Variants in GRID1 observed in about 807,000 individuals in gnomAD.
GRID1 encodes glutamate ionotropic receptor delta type subunit 1.
GRID1 carries 28 observed loss-of-function variants against 98.0 expected under a neutral mutation model. The observed-to-expected ratio is 0.29, with a 90% CI of 0.21 to 0.39. The LOEUF is 0.39. GRID1 is among the 10% of genes least tolerant of loss of function. GRID1 has a pLI of 1.00. For missense variants in GRID1, 1,111 were observed against 1,340.5 expected, an observed-to-expected ratio of 0.83 and a Z score of 2.67; for synonymous variants, 553 against 538.5, an observed-to-expected ratio of 1.03 and a Z score of -0.37.
At chr10:85,935,213 T>C (rs7912519) in intron 4 of GRID1, among the ~76,000 whole-genome samples, 121,503 of 152,108 alleles carry the variant, frequency 0.8, 48,864 homozygotes, top group African/African-American at 0.88. Flanking sequence ...CCCAAGATCA[T>C]ACAGAAAATA....
At chr10:86,038,001 A>G (rs931884343) in intron 4 of GRID1, among the ~76,000 whole-genome samples, 3 of 152,138 alleles carry the variant, frequency 2.0e-5, no homozygotes, top group African/African-American at 7.2e-5. Flanking sequence ...ATCCAATATG[A>G]CTGGTGTCCT....
intron 8 of GRID1, among the ~76,000 whole-genome samples, chr10:85,732,144 G>A (rs536376327): frequency 4.6e-5 from 7 of 152,078 alleles, no homozygotes; most frequent in Non-Finnish European, 1.5e-5. Context: ...TTTATTTGGG[G>A]TGCCTGCATC....
chr10:85,940,221 G>A (rs1841981996), intron 4 of GRID1, among the ~76,000 whole-genome samples: 1 of 152,114 alleles, frequency 6.6e-6, no homozygotes, highest in Non-Finnish European at 1.5e-5. Flanking sequence ...GATGGGACAT[G>A]CCTCTCCAGT....
At chr10:86,232,029 T>C (rs1215988042) in intron 2 of GRID1, among the ~76,000 whole-genome samples, 1 of 151,992 alleles carries the variant, frequency 6.6e-6, no homozygotes, top group East Asian at 1.9e-4. Flanking sequence ...GAGACTGGGG[T>C]ACCCTCTTCT....
chr10:85,989,613 T>C (rs1471591107), intron 4 of GRID1, among the ~76,000 whole-genome samples: 1 of 151,808 alleles, frequency 6.6e-6, no homozygotes, highest in African/African-American at 2.4e-5. Flanking sequence ...TGTGCACTCA[T>C]GAGAATCTAA....
intron 4 of GRID1, among the ~76,000 whole-genome samples, chr10:86,053,256 T>C (rs1843525992): frequency 6.6e-6 from 1 of 152,206 alleles, no homozygotes; most frequent in African/African-American, 2.4e-5. Context: ...ACAAAAGTTA[T>C]TTACAAAGAA....
intron 4 of GRID1, among the ~76,000 whole-genome samples, chr10:85,938,537 C>T (rs1324502076): frequency 1.3e-5 from 2 of 152,200 alleles, no homozygotes; most frequent in Non-Finnish European, 2.9e-5. Flanking sequence ...TAGTTTCTCT[C>T]ATGGTTCCTA....
At chr10:85,913,288 G>A (rs900094982) in intron 5 of GRID1, among the ~76,000 whole-genome samples, 8 of 152,158 alleles carry the variant, frequency 5.3e-5, no homozygotes, top group African/African-American at 1.7e-4. Context: ...CTGTTTGATG[G>A]AAAAATTTGG....
chr10:85,614,106 T>A (rs10509522), intron 14 of GRID1, among the ~76,000 whole-genome samples: 28,861 of 152,224 alleles, frequency 0.19, 2,930 homozygotes, highest in African/African-American at 0.23. Flanking sequence ...CAAATTATTC[T>A]TACAGTCATT....
intron 2 of GRID1, among the ~76,000 whole-genome samples, chr10:86,361,824 G>A (rs1052546455): frequency 6.6e-6 from 1 of 152,268 alleles, no homozygotes; most frequent in Non-Finnish European, 1.5e-5. Flanking sequence ...TGTTAAAGCT[G>A]TGTGACAGCT....
At chr10:85,786,764 C>T (rs1448444978) in intron 8 of GRID1, among the ~76,000 whole-genome samples, 1 of 152,202 alleles carries the variant, frequency 6.6e-6, no homozygotes, top group Non-Finnish European at 1.5e-5. Context: ...CGCCAGGACC[C>T]GGCTGATAGG....
At chr10:86,194,308 T>A (rs1845844264) in intron 3 of GRID1, among the ~76,000 whole-genome samples, 1 of 152,012 alleles carries the variant, frequency 6.6e-6, no homozygotes, top group South Asian at 2.1e-4. Flanking sequence ...CATGGAGGAA[T>A]AAAGCCCACT....
At chr10:86,190,260 A>G (rs2132007778) in intron 3 of GRID1, among the ~76,000 whole-genome samples, 2 of 152,276 alleles carry the variant, frequency 1.3e-5, no homozygotes, top group South Asian at 4.1e-4. Flanking sequence ...CATGAAGTAA[A>G]TATTCCCACC....
intron 4 of GRID1, among the ~76,000 whole-genome samples, chr10:86,100,668 C>T (rs1219992338): frequency 1.3e-5 from 2 of 152,170 alleles, no homozygotes. Context: ...ACTCCCCTCC[C>T]TGTAGGTGGC....
At chr10:86,120,069 G>C (rs1219283457) in intron 4 of GRID1, among the ~76,000 whole-genome samples, 1 of 152,098 alleles carries the variant, frequency 6.6e-6, no homozygotes, top group Non-Finnish European at 1.5e-5. Context: ...AAAGTGCTGA[G>C]ATTACAGGTG....
At chr10:86,033,413 C>T (rs1467498598) in intron 4 of GRID1, among the ~76,000 whole-genome samples, 5 of 152,162 alleles carry the variant, frequency 3.3e-5, no homozygotes, top group African/African-American at 1.2e-4. Flanking sequence ...GCTTCAGTCT[C>T]TGGGTCATCC....
chr10:85,619,967 C>A lies in GRID1; in HGVS notation c.2260G>T (p.Asp754Tyr). Reference protein sequence around the residue: ...AVVEYAALTDDDCSVTVIGNS... With the variant: ...AVVEYAALTDYDCSVTVIGNS... The stretch of plus-strand genomic sequence containing the variant: ...CCGATGACAGTCACCGAGCAGTCGT[C>A]ATCCGTCAGGGCTGCGTATTCCACC... Residue 754 changes from aspartate to tyrosine, a missense_variant, in exon 14 of 16, where the codon GAC becomes TAC. This residue lies in a region of GRID1 where 762 missense variants were observed against 869.1 expected (regional missense o/e 0.88). Transcript: ENST00000327946. The A allele has an allele frequency of 1.2e-6, 2 of 1,614,076 alleles. No homozygotes were observed. The highest frequency in any genetic ancestry group is 1.7e-6 in the Non-Finnish European group (2 of 1,179,908).
At chr10:86,217,883 C>T (rs1037500336) in intron 2 of GRID1, among the ~76,000 whole-genome samples, 11 of 152,098 alleles carry the variant, frequency 7.2e-5, no homozygotes, top group African/African-American at 2.7e-4. Flanking sequence ...GGACAGGCCA[C>T]ACCACAGAGC....
intron 3 of GRID1, among the ~76,000 whole-genome samples, chr10:86,177,178 T>A (rs1451338966): frequency 6.7e-6 from 1 of 148,772 alleles, no homozygotes; most frequent in Non-Finnish European, 1.5e-5. Context: ...AGCAAGAAAA[T>A]CCTAGGGAGG....
Sources: gnomAD v4.1 joint callset for allele counts (sites outside exome capture counted in the v4.1 genomes callset) on GRCh38, gnomAD v4.1.1 for gene constraint, gnomAD v4.1.1 regional missense constraint, MANE v1.5 for transcripts, NCBI Gene and HGNC (gene_info 2026-07-23, HGNC 2026-07-21) for gene names.